The following EML6 variants were observed in gnomAD, a reference collection of about 807,000 sequenced individuals.
EML6 encodes the protein echinoderm microtubule-associated protein-like 6.
Under a neutral mutation model 240.1 loss-of-function variants are expected in EML6, and 154 were observed. The observed-to-expected ratio is 0.64, with a 90% CI of 0.56 to 0.73. The LOEUF (loss-of-function observed/expected upper bound fraction) is 0.73. Among genes scored for constraint, EML6 ranks in the 30% least tolerant of loss-of-function variants. EML6 has a pLI of 0.00. For synonymous variants in EML6, 1,148 were observed against 899.0 expected, an observed-to-expected ratio of 1.28 and a Z score of -4.95; for missense variants, 2,964 against 2,474.6, an observed-to-expected ratio of 1.20 and a Z score of -4.20.
intron 13 of EML6, among the ~76,000 whole-genome samples, chr2:54,865,964 C>T (rs55942282): frequency 0.04 from 6,023 of 152,030 alleles, 411 homozygotes; most frequent in African/African-American, 0.13. Flanking sequence ...CTGATGAAAG[C>T]ATCATGAATT....
In EML6 at chr2:54,895,416, A is replaced by G. The variant is rs1231734064; in HGVS notation, c.2982+16A>G. 3 of 1,551,476 alleles carry G rather than the reference A, an allele frequency of 1.9e-6. No individual in the cohort carries two copies. The highest frequency in any genetic ancestry group is 4.9e-5 in the East Asian group (2 of 40,900). ...GCTTGTTCAGGTACTGTTTGTATGT[A>G]TTCTAAACTGCAGTTCACATCAAGG... On this transcript the variant is annotated intron_variant, in intron 21 of 41. Coordinates refer to ENST00000356458, the MANE Select transcript of EML6 (RefSeq NM_001039753.4).
In EML6 at chr2:54,903,443, G is replaced by A. The variant is rs1208176193; in HGVS notation, c.3350G>A (p.Arg1117Lys). Residue 1117 changes from arginine (R) to lysine (K), a missense_variant, in exon 24 of 42, where the codon AGG (arginine) becomes AAG (lysine). By Grantham distance (26) the Arg-to-Lys change is conservative. Coordinates refer to ENST00000356458, the MANE Select transcript of EML6 (RefSeq NM_001039753.4). ...ATTTACAACGTACTTACAAGCAAAA[G>A]GGTTGGCATCTGTAAAGGTGCTTCT... ...VDIYNVLTSK[R>K]VGICKGASSY... 19 of 1,551,778 alleles carry A rather than the reference G, an allele frequency of 1.2e-5. No individual in the cohort carries two copies. Among genetic ancestry groups the A allele is most frequent in the Admixed American group, 3.9e-5 (2 of 50,974 alleles).
chr2:54,781,555 T>C (rs892902420), intron 2 of EML6, among the ~76,000 whole-genome samples: 6 of 152,294 alleles, frequency 3.9e-5, no homozygotes, highest in Non-Finnish European at 8.8e-5. Flanking sequence ...TGACAAATCA[T>C]TGAAGTTAGA....
chr2:54,805,671 GTTTTTA>G (rs1176314753), intron 2 of EML6, among the ~76,000 whole-genome samples: 2 of 152,024 alleles, frequency 1.3e-5, no homozygotes, highest in African/African-American at 4.8e-5. Context: ...AAGACCAGAA[GTTTTTA>G]TTTTTAAAGT....
At chr2:54,742,332 G>A (rs1461900838) in intron 2 of EML6, among the ~76,000 whole-genome samples, 1 of 152,146 alleles carries the variant, frequency 6.6e-6, no homozygotes, top group East Asian at 1.9e-4. Flanking sequence ...GGGTATATGT[G>A]TCTCCATGTT....
chr2:54,760,520 A>G (rs1004441561), intron 2 of EML6, among the ~76,000 whole-genome samples: 1 of 152,162 alleles, frequency 6.6e-6, no homozygotes, highest in Non-Finnish European at 1.5e-5. Context: ...AGTCACAGGT[A>G]TGCCCATTTT....
At chr2:54,938,339 G>C (rs7590241) in intron 28 of EML6, among the ~76,000 whole-genome samples, 48,772 of 151,978 alleles carry the variant, frequency 0.32, 8,151 homozygotes, top group African/African-American at 0.34. Flanking sequence ...TGTAATTTTA[G>C]GGTATGCAGA....
intron 28 of EML6, among the ~76,000 whole-genome samples, chr2:54,937,407 C>T (rs1254497958): frequency 6.6e-6 from 1 of 151,356 alleles, no homozygotes; most frequent in African/African-American, 2.4e-5. Flanking sequence ...CTTGTCTCTA[C>T]CAAAAATTTA....
chr2:54,950,875 C>T (rs111539701), intron 30 of EML6, 96 bp downstream of exon 30: 1 of 1,310,494 alleles, frequency 7.6e-7, no homozygotes, highest in African/African-American at 1.5e-5. Context: ...CATTTTCCTT[C>T]CCTTATAGAG....
intron 34 of EML6, 94 bp downstream of exon 34, chr2:54,959,355 G>T (rs1676387560): frequency 8.2e-7 from 1 of 1,213,384 alleles, no homozygotes; most frequent in Non-Finnish European, 1.1e-6. Flanking sequence ...AATGCAGACT[G>T]TCATCCTCCT....
chr2:54,907,964 G>T (rs1229641624), intron 24 of EML6, among the ~76,000 whole-genome samples: 2 of 72,618 alleles, frequency 2.8e-5, no homozygotes, highest in Non-Finnish European at 6.6e-5. Context: ...TAGATAGATA[G>T]ATAGATAGAT....
chr2:54,964,628 C>T lies in EML6; in HGVS notation c.5388C>T (p.Phe1796=), dbSNP rs778716849. The T allele has an allele frequency of 1.3e-6, 2 of 1,552,430 alleles. No individual in the cohort carries two copies. Among genetic ancestry groups the T allele is most frequent in the South Asian group, 2.4e-5 (2 of 84,068 alleles). Reference sequence around the variant, plus strand: ...GTTCTTCTGAACACACAGTTGACTTCTATGACCTCACTCAGGGCACAAATC... The same window carrying T: ...GTTCTTCTGAACACACAGTTGACTTTTATGACCTCACTCAGGGCACAAATC... ...AVGSSEHTVD[F]YDLTQGTNLN... is the part of the protein sequence containing the mutation. The change falls in exon 38 of 42, where the codon TTC becomes TTT. Residue 1796 remains phenylalanine, a synonymous_variant. Coordinates refer to ENST00000356458, the MANE Select transcript of EML6 (RefSeq NM_001039753.4).
chr2:54,930,295 C>A (rs1406033160), intron 28 of EML6, among the ~76,000 whole-genome samples: 1 of 152,194 alleles, frequency 6.6e-6, no homozygotes, highest in East Asian at 1.9e-4. Flanking sequence ...ATTTCAAACC[C>A]TAACCAAGGC....
At chr2:54,943,985 C>G (rs559266907) in intron 28 of EML6, among the ~76,000 whole-genome samples, 9 of 152,238 alleles carry the variant, frequency 5.9e-5, no homozygotes, top group South Asian at 2.1e-4. Context: ...GAAAGAATCT[C>G]TCTTGGCCCT....
At chr2:54,759,376 A>T (rs1667877242) in intron 2 of EML6, among the ~76,000 whole-genome samples, 1 of 151,806 alleles carries the variant, frequency 6.6e-6, no homozygotes, top group Non-Finnish European at 1.5e-5. Context: ...TTTCTGGAGT[A>T]TTTTATGGTA....
chr2:54,862,601 T>C (rs1229484876), intron 12 of EML6, among the ~76,000 whole-genome samples: 1 of 151,954 alleles, frequency 6.6e-6, no homozygotes, highest in Non-Finnish European at 1.5e-5. Context: ...GCAGAAAACA[T>C]GTTCAAGGAA....
At position 54,829,559 on chromosome 2, in the gene EML6, C is replaced by T. The variant is rs565186617; in HGVS notation, c.847+82C>T. On this transcript the variant is annotated intron_variant, in intron 7 of 41. Coordinates refer to ENST00000356458, the MANE Select transcript of EML6 (RefSeq NM_001039753.4). ...CTGTATTCATATTTGTTTCTCTGTA[C>T]CCCATTTTAAAAAGGCAGTTTATAT... 6 of 1,144,102 alleles carry T rather than the reference C, an allele frequency of 5.2e-6. No individual in the cohort carries two copies. The South Asian group carries it at 9.2e-5, about 18-fold the overall frequency. 70.9% of individuals were successfully genotyped at this position (1,144,102 alleles called of 1,614,324 possible).
chr2:54,957,875 T>C lies in EML6; in HGVS notation c.4572T>C (p.Ser1524=), dbSNP rs1676304672. 2.6e-6 allele frequency: 4 copies of C among 1,551,468 alleles called. No homozygotes were observed. In the East Asian group the frequency reaches 9.8e-5, roughly 38 times the overall value. ...CCGACTCAGACACGCAGTTTGTATCTGTCGGGGTCAAACATATGAAGTTCT... is the reference window on the plus strand; with the variant it reads ...CCGACTCAGACACGCAGTTTGTATCCGTCGGGGTCAAACATATGAAGTTCT... The part of the protein sequence containing the change: ...FRPDSDTQFV[S]VGVKHMKFWT... The change falls in exon 33 of 42, where the codon TCT becomes TCC. Residue 1524 remains serine, a synonymous_variant. Transcript: ENST00000356458.
In EML6 at chr2:54,829,954, G is replaced by A. The variant is rs192623516; in HGVS notation, c.847+477G>A. 1.4e-4 allele frequency among the ~76,000 whole-genome samples: 22 copies of A among 152,256 alleles called. No homozygotes were observed. In the East Asian group the frequency reaches 3.3e-3, roughly 23 times the overall value. ...CTATGAGAGAGTTAAGAAATTGAAC[G>A]GCAGTCTCAAATTTCGGGGCATCTG... On this transcript the variant is annotated intron_variant, in intron 7 of 41. Coordinates refer to ENST00000356458, the MANE Select transcript of EML6 (RefSeq NM_001039753.4).
Sources: allele counts gnomAD v4.1 joint callset (sites outside exome capture counted in the v4.1 genomes callset), GRCh38; gene constraint gnomAD v4.1.1; transcripts MANE v1.5; gene names NCBI Gene and HGNC (gene_info 2026-07-23, HGNC 2026-07-21).